AKAP1: variants seen among roughly 807,000 people sequenced by gnomAD.
AKAP1 encodes A-kinase anchoring protein 1.
Under a neutral mutation model 79.8 loss-of-function variants are expected in AKAP1, and 32 were observed. The observed-to-expected ratio is 0.40, with a 90% CI of 0.30 to 0.54. AKAP1 has a LOEUF of 0.54. AKAP1 is among the 20% of genes least tolerant of loss of function. The pLI, the probability that AKAP1 is intolerant of heterozygous loss-of-function variation, is 0.47. For synonymous variants in AKAP1, 416 were observed against 466.7 expected (o/e 0.89, Z 1.40); for missense variants, 961 against 1,138.9 (o/e 0.84, Z 2.25).
intron 1 of AKAP1, among the ~76,000 whole-genome samples, chr17:57,100,057 A>T (rs892958909): frequency 1.3e-5 from 2 of 152,172 alleles, no homozygotes; most frequent in African/African-American, 4.8e-5. Flanking sequence ...TCTCCCAGCC[A>T]TCTTGAGAGG....
chr17:57,112,562 A>G lies in AKAP1; in HGVS notation c.2047A>G (p.Ile683Val), dbSNP rs754908201. The change falls in exon 5 of 11, where the codon ATC (isoleucine) becomes GTC (valine). Residue 683 changes from isoleucine (I) to valine (V), a missense_variant. Physicochemically the swap from Ile to Val is conservative, Grantham distance 29. Transcript: ENST00000337714. Reference protein sequence around the residue: ...KKFKELNLTNIYAPPLPSLAL... With the variant: ...KKFKELNLTNVYAPPLPSLAL... ...GTTCAAAGAGCTGAACCTCACCAAT[A>G]TCTACGCTCCCCCATTGCCTTCACT... 1.5e-5 allele frequency: 24 copies of G among 1,614,076 alleles called. No individual in the cohort carries two copies. Among genetic ancestry groups the G allele is most frequent in the Non-Finnish European group, 2.0e-5 (24 of 1,180,040 alleles).
chr17:57,105,844 A>G lies in AKAP1; in HGVS notation c.380A>G (p.Asp127Gly). 1 of 1,614,216 alleles carries G rather than the reference A, an allele frequency of 6.2e-7. No individual in the cohort carries two copies. The highest frequency in any genetic ancestry group is 8.5e-7 in the Non-Finnish European group (1 of 1,180,038). Reference sequence around the variant, plus strand: ...TTGCGACCAGGAACACGCAGAGATGACAGTACAAAGCTGGAGCTAGCCCTG... The same window carrying G: ...TTGCGACCAGGAACACGCAGAGATGGCAGTACAAAGCTGGAGCTAGCCCTG... ...MRLRPGTRRD[D>G]STKLELALTG... The change falls in exon 2 of 11, where the codon GAC (aspartate) becomes GGC (glycine). Residue 127 changes from aspartate (D) to glycine (G), a missense_variant. This residue lies in a region of AKAP1 where 224 missense variants were observed against 210.2 expected (regional missense o/e 1.07). Transcript: ENST00000337714.
At position 57,086,533 on chromosome 17, in the gene AKAP1, T is replaced by C. The variant is rs1328814316; in HGVS notation, c.-25+1135T>C. The C allele has an allele frequency of 2.3e-6, 1 of 440,320 alleles. No individual in the cohort carries two copies. The highest frequency in any genetic ancestry group is 7.1e-5 in the East Asian group (1 of 14,060). 27.3% of individuals were successfully genotyped at this position (440,320 alleles called of 1,614,324 possible). Reference sequence around the variant, plus strand: ...TTAACACAAACCCGGTGGACTTCGCTCCAGGTGCGAGTCGAGGCCTCTCAA... The same window carrying C: ...TTAACACAAACCCGGTGGACTTCGCCCCAGGTGCGAGTCGAGGCCTCTCAA... On this transcript the variant is annotated intron_variant, in intron 1 of 10. Transcript: ENST00000337714. This position sits in a 1 kb window ranked among gnomAD's most constrained non-coding sequence, Gnocchi z 5.1.
At chr17:57,101,773 G>A (rs1957593239) in intron 1 of AKAP1, 1 of 152,224 alleles carries the variant, frequency 6.6e-6, no homozygotes. Context: ...TAGAATTAGT[G>A]AGTTCAGCAA....
rs1418030574 is a variant in AKAP1, at chr17:57,086,059, G to C, written c.-25+661G>C. ...TTCGGGCTGAGGGACCGTTCGAACCGAATTGGGGTCTGGAGGTCGGAGGCT... is the reference window on the plus strand; with the variant it reads ...TTCGGGCTGAGGGACCGTTCGAACCCAATTGGGGTCTGGAGGTCGGAGGCT... On this transcript the variant is annotated intron_variant, in intron 1 of 10. Transcript: ENST00000337714. This position sits in a 1 kb window ranked among gnomAD's most constrained non-coding sequence, Gnocchi z 5.1. 4.6e-6 allele frequency: 1 copy of C among 218,324 alleles called. No individual in the cohort carries two copies. The highest frequency in any genetic ancestry group is 9.5e-6 in the Non-Finnish European group (1 of 105,580). The allele number at this position is 218,324 out of a possible 1,614,324, so 13.5% of individuals were successfully genotyped here. A position where few individuals can be genotyped will look rare whatever the true frequency, so the allele number is the denominator to read the frequency against.
At chr17:57,107,995 T>C in intron 2 of AKAP1, 1 of 1,288,562 alleles carries the variant, frequency 7.8e-7, no homozygotes, top group Non-Finnish European at 1.0e-6. Context: ...CGAGGTGTCC[T>C]GGGTTTTTCG....
At chr17:57,095,692 G>C (rs552098375) in intron 1 of AKAP1, 1 of 152,192 alleles carries the variant, frequency 6.6e-6, no homozygotes, top group African/African-American at 2.4e-5. Context: ...TACCTCTTTG[G>C]TTTTGCCCAT....
At chr17:57,116,460 G>T (rs1915591769) in intron 7 of AKAP1, among the ~76,000 whole-genome samples, 199 bp downstream of exon 7, 1 of 152,168 alleles carries the variant, frequency 6.6e-6, no homozygotes, top group Non-Finnish European at 1.5e-5. Flanking sequence ...CTGTATTGTG[G>T]AAGAATCCCC....
intron 1 of AKAP1, among the ~76,000 whole-genome samples, chr17:57,104,049 C>G (rs1290751824): frequency 6.6e-6 from 1 of 151,752 alleles, no homozygotes; most frequent in African/African-American, 2.4e-5. Context: ...ACCTCCACCC[C>G]CCTGGATTCA....
chr17:57,112,869 T>TG (rs11464527), intron 5 of AKAP1, among the ~76,000 whole-genome samples: 152,345 of 152,354 alleles, frequency 1, 76,168 homozygotes, highest in Non-Finnish European at 1. Flanking sequence ...TTCCTGGCTC[T>TG]CCCCCTGGGC....
At chr17:57,110,943 C>T (rs1242051766) in intron 3 of AKAP1, among the ~76,000 whole-genome samples, 1 of 151,960 alleles carries the variant, frequency 6.6e-6, no homozygotes, top group Non-Finnish European at 1.5e-5. Flanking sequence ...TCTCCCAGGG[C>T]CCTGGGCTCT....
intron 7 of AKAP1, among the ~76,000 whole-genome samples, chr17:57,116,476 C>T (rs977967820): frequency 6.6e-6 from 1 of 152,202 alleles, no homozygotes; most frequent in African/African-American, 2.4e-5. Flanking sequence ...TCCCCAGCAT[C>T]ATCCTTCAAA....
Position 57,110,026 on chromosome 17 carries a change from T to G in AKAP1, c.1716T>G (p.Gly572=). 1 of 1,613,588 alleles carries G rather than the reference T, an allele frequency of 6.2e-7. No homozygotes were observed. Among genetic ancestry groups the G allele is most frequent in the South Asian group, 1.1e-5 (1 of 90,988 alleles). ...TMDAEADHSG[G]SDRNSMDSVD... is the part of the protein sequence containing the mutation. ...TGCCTGCTGCTTCTTCCCCTGCAGG[T>G]TCTGACAGGAACAGCATGGATTCCG... Residue 572 remains glycine, a splice_region_variant and synonymous_variant, in exon 3 of 11, where the codon GGT becomes GGG. Transcript: ENST00000337714.
rs762201999 is a variant in AKAP1 at position 57,106,023 on chromosome 17, G to T, written c.559G>T (p.Ala187Ser). Residue 187 changes from alanine to serine, a missense_variant, in exon 2 of 11, where the codon GCA becomes TCA. Around this residue, in one of 3 missense-constraint regions of AKAP1, gnomAD observed 224 missense variants for 210.2 expected, o/e 1.07. Coordinates refer to ENST00000337714, the MANE Select transcript of AKAP1 (RefSeq NM_003488.4). ...KVQPGYPVVP[A>S]EKRSSGERAR... ...CCAGCCAGGCTACCCCGTAGTCCCC[G>T]CAGAGAAGCGTAGCTCTGGGGAGAG... is the stretch of plus-strand genomic sequence containing the variant. 3.1e-6 allele frequency: 5 copies of T among 1,613,464 alleles called. No homozygotes were observed. Among genetic ancestry groups the T allele is most frequent in the Non-Finnish European group, 4.2e-6 (5 of 1,179,864 alleles).
chr17:57,094,607 CTTTTTTTT>C (rs11286844), intron 1 of AKAP1: 3 of 119,214 alleles, frequency 2.5e-5, no homozygotes, highest in Non-Finnish European at 5.1e-5. Context: ...TCCCCCCCAA[CTTTTTTTT>C]TTTTTTTTTT....
rs772503994 is a variant in AKAP1, at chr17:57,111,893, C to T, written c.1944C>T (p.Tyr648=). 2.5e-6 allele frequency: 4 copies of T among 1,614,126 alleles called. No individual in the cohort carries two copies. The highest frequency in any genetic ancestry group is 1.7e-5 in the Admixed American group (1 of 60,012). ...AGATCTACATTTCAACCCTGCCTTACACCCAGAGCGTCCAGATCTGCCACA... is the reference window on the plus strand; with the variant it reads ...AGATCTACATTTCAACCCTGCCTTATACCCAGAGCGTCCAGATCTGCCACA... The part of the protein sequence containing the change: ...GAKIYISTLP[Y]TQSVQICHIE... The change falls in exon 4 of 11, where the codon TAC becomes TAT. Residue 648 remains tyrosine (Y), a synonymous_variant. Transcript: ENST00000337714.
chr17:57,117,208 T>C (rs1915639662), intron 8 of AKAP1, among the ~76,000 whole-genome samples: 1 of 152,208 alleles, frequency 6.6e-6, no homozygotes, highest in Admixed American at 6.5e-5. Context: ...TTCCAGATTA[T>C]AGTCCAGACC....
intron 1 of AKAP1, among the ~76,000 whole-genome samples, chr17:57,088,106 G>A (rs958597151): frequency 6.6e-6 from 1 of 152,174 alleles, no homozygotes; most frequent in South Asian, 2.1e-4. Flanking sequence ...TACTGTTTGA[G>A]AGTTGCTCAT....
chr17:57,119,830 C>CCTTTT (rs558630533), intron 10 of AKAP1, among the ~76,000 whole-genome samples: 2 of 70,290 alleles, frequency 2.8e-5, no homozygotes, highest in African/African-American at 1.3e-4. Context: ...CCCTGTTACT[C>CCTTTT]TTTTTTTTTT....
Sources: gnomAD v4.1 joint callset for allele counts (sites outside exome capture counted in the v4.1 genomes callset) on GRCh38, gnomAD v4.1.1 for gene constraint, gnomAD v4.1.1 regional missense constraint, Gnocchi (gnomAD v3.1) non-coding constraint, MANE v1.5 for transcripts, NCBI Gene and HGNC (gene_info 2026-07-23, HGNC 2026-07-21) for gene names.